PDE7B: variants seen among roughly 807,000 people sequenced by gnomAD.
PDE7B encodes phosphodiesterase 7B.
In PDE7B, 29 loss-of-function variants were observed where a neutral mutation model predicts 56.2. The ratio of observed to expected loss-of-function variants is 0.52; its 90% confidence interval spans 0.38 to 0.70. The LOEUF is 0.70. Among genes scored for constraint, PDE7B ranks in the 30% least tolerant of loss-of-function variants. The pLI is 0.00. For missense variants in PDE7B, 490 were observed against 565.0 expected, an observed-to-expected ratio of 0.87 and a Z score of 1.35; for synonymous variants, 197 against 196.9, an observed-to-expected ratio of 1.00 and a Z score of 0.00.
intron 2 of PDE7B, among the ~76,000 whole-genome samples, chr6:135,997,048 C>A (rs1775576855): frequency 6.6e-6 from 1 of 152,078 alleles, no homozygotes; most frequent in Admixed American, 6.6e-5. Context: ...TGGAGGCCAT[C>A]ATTCACTTCA....
chr6:136,013,742 G>T (rs1024304040), intron 2 of PDE7B, among the ~76,000 whole-genome samples: 1 of 152,332 alleles, frequency 6.6e-6, no homozygotes, highest in Non-Finnish European at 1.5e-5. Flanking sequence ...AAGCAATCCA[G>T]CATGTCAGGA....
intron 2 of PDE7B, among the ~76,000 whole-genome samples, chr6:135,973,981 G>A (rs1004063282): frequency 2.0e-5 from 3 of 152,134 alleles, no homozygotes; most frequent in Non-Finnish European, 4.4e-5. Flanking sequence ...GGGGTCCTCT[G>A]TTCCTCTGCT....
chr6:136,186,527 A>C (rs1377368288), intron 11 of PDE7B, among the ~76,000 whole-genome samples: 1 of 152,306 alleles, frequency 6.6e-6, no homozygotes, highest in East Asian at 1.9e-4. Flanking sequence ...GATTCTGATT[A>C]ATTTTGTGGT....
At chr6:136,078,138 G>T (rs1041846257) in intron 2 of PDE7B, among the ~76,000 whole-genome samples, 8 of 152,152 alleles carry the variant, frequency 5.3e-5, no homozygotes, top group Non-Finnish European at 1.0e-4. Context: ...GCCCTCTTCT[G>T]CAGAAATACT....
intron 3 of PDE7B, among the ~76,000 whole-genome samples, chr6:136,112,847 C>A (rs1017972901): frequency 6.6e-6 from 1 of 152,174 alleles, no homozygotes; most frequent in Non-Finnish European, 1.5e-5. Context: ...CACAGTACTA[C>A]CAATTTCATG....
At position 135,986,405 on chromosome 6, in the gene PDE7B, G is replaced by A. The variant is rs138216115; in HGVS notation, c.82+38881G>A. Among the ~76,000 whole-genome samples the A allele has an allele frequency of 3.5e-3, 535 of 152,324 alleles. 1 individual carries two copies. The highest frequency in any genetic ancestry group is 0.011 in the African/African-American group (453 of 41,570). On this transcript the variant is annotated intron_variant, in intron 2 of 12. Transcript: ENST00000308191. ...TATTTAAAGGAAAACATTTAGGAAA[G>A]TGTAGTAGCCATGCAATTAAGCAAG...
At chr6:136,040,780 G>A (rs1776399649) in intron 2 of PDE7B, among the ~76,000 whole-genome samples, 1 of 152,130 alleles carries the variant, frequency 6.6e-6, no homozygotes, top group Non-Finnish European at 1.5e-5. Context: ...CTATGCATCA[G>A]GTGAGCCTTG....
At chr6:135,914,002 G>A (rs547085087) in intron 1 of PDE7B, among the ~76,000 whole-genome samples, 15 of 152,240 alleles carry the variant, frequency 9.9e-5, no homozygotes, top group African/African-American at 2.6e-4. Context: ...GGAGTATAGC[G>A]TTGAGTGAGT....
rs759173693 is a variant in PDE7B at position 136,038,247 on chromosome 6, GCACCAC to G, written c.83-70474_83-70469del. ...AGCAGCAACAGCAGCAGCAGCAGCA[GCACCAC>G]CACCACCACTACCTCCTCTTCTGGG... On this transcript the variant is annotated intron_variant, in intron 2 of 12. Transcript: ENST00000308191. 11 of 1,299,774 alleles carry G rather than the reference GCACCAC, an allele frequency of 8.5e-6. No individual in the cohort carries two copies. In the South Asian group the frequency reaches 1.3e-4, roughly 16 times the overall value. 80.5% of individuals were successfully genotyped at this position (1,299,774 alleles called of 1,614,324 possible).
chr6:136,102,779 T>A (rs1024984570), intron 2 of PDE7B, among the ~76,000 whole-genome samples: 3 of 152,194 alleles, frequency 2.0e-5, no homozygotes, highest in Non-Finnish European at 4.4e-5. Flanking sequence ...TTGACACTAG[T>A]CTAAAACCTG....
intron 8 of PDE7B, among the ~76,000 whole-genome samples, chr6:136,165,832 G>A (rs886302178): frequency 1.1e-4 from 17 of 152,152 alleles, no homozygotes; most frequent in Non-Finnish European, 2.2e-4. Flanking sequence ...TATAAAGGAG[G>A]CTGAGAAATG....
intron 1 of PDE7B, among the ~76,000 whole-genome samples, chr6:135,895,638 TA>T (rs1775887970): frequency 6.6e-6 from 1 of 152,084 alleles, no homozygotes; most frequent in African/African-American, 2.4e-5. Flanking sequence ...AAATATTGGC[TA>T]AAAAGTAGAC....
intron 2 of PDE7B, among the ~76,000 whole-genome samples, chr6:136,028,576 T>C (rs996719119): frequency 6.6e-6 from 1 of 152,190 alleles, no homozygotes; most frequent in African/African-American, 2.4e-5. Context: ...ATAATCTGTT[T>C]TCCTGCCTTT....
intron 1 of PDE7B, among the ~76,000 whole-genome samples, chr6:135,916,388 C>CTT (rs1242651132): frequency 2.4e-5 from 2 of 83,286 alleles, no homozygotes; most frequent in South Asian, 5.0e-4. Context: ...CTTTTCTTTT[C>CTT]TTTCTTTTTT....
chr6:136,004,066 G>T (rs1382989032), intron 2 of PDE7B, among the ~76,000 whole-genome samples: 1 of 152,058 alleles, frequency 6.6e-6, no homozygotes, highest in South Asian at 2.1e-4. Flanking sequence ...ATCAATAAAT[G>T]TAATCCAGCA....
At chr6:135,874,519 A>G (rs1036241048) in intron 1 of PDE7B, among the ~76,000 whole-genome samples, 2 of 152,178 alleles carry the variant, frequency 1.3e-5, no homozygotes, top group Non-Finnish European at 2.9e-5. Context: ...AGATTTCTTA[A>G]GTGTGACAAG....
intron 6 of PDE7B, among the ~76,000 whole-genome samples, chr6:136,151,779 C>CAAA (rs148877609): frequency 1.3e-4 from 15 of 113,562 alleles, no homozygotes; most frequent in East Asian, 2.7e-4. Flanking sequence ...ACTAAAAATA[C>CAAA]AAAAAAAAAA....
chr6:135,891,439 C>A lies in PDE7B; in HGVS notation c.21+39420C>A, dbSNP rs1028889635. ...CTCTCCCTACCATCTGTTAAGAATTCCATCCACAGGTCTCATTAATAATCC... is the reference window on the plus strand; with the variant it reads ...CTCTCCCTACCATCTGTTAAGAATTACATCCACAGGTCTCATTAATAATCC... On this transcript the variant is annotated intron_variant, in intron 1 of 12. Coordinates refer to ENST00000308191, the MANE Select transcript of PDE7B (RefSeq NM_018945.4). Among the ~76,000 whole-genome samples the A allele has an allele frequency of 4.9e-4, 74 of 152,160 alleles. 2 individuals are homozygous for A. The highest frequency in any genetic ancestry group is 3.7e-4 in the Non-Finnish European group (25 of 68,030).
intron 2 of PDE7B, among the ~76,000 whole-genome samples, chr6:135,967,709 T>C (rs1775020064): frequency 6.6e-6 from 1 of 152,214 alleles, no homozygotes. Flanking sequence ...TTTTGTAGGA[T>C]ACTAAATGGT....
Sources: gnomAD v4.1 joint callset for allele counts (sites outside exome capture counted in the v4.1 genomes callset) on GRCh38, gnomAD v4.1.1 for gene constraint, MANE v1.5 for transcripts, NCBI Gene and HGNC (gene_info 2026-07-23, HGNC 2026-07-21) for gene names.